The following ARHGAP32 variants were observed in gnomAD, a reference collection of about 807,000 sequenced individuals.
ARHGAP32 encodes the protein Rho GTPase activating protein 32.
ARHGAP32 carries 51 observed loss-of-function variants against 186.5 expected under a neutral mutation model. The observed-to-expected ratio is 0.27, with a 90% CI of 0.22 to 0.35. The LOEUF (loss-of-function observed/expected upper bound fraction) is 0.35. Among genes scored for constraint, ARHGAP32 ranks in the 10% least tolerant of loss-of-function variants. The pLI, the probability that ARHGAP32 is intolerant of heterozygous loss-of-function variation, is 1.00. For synonymous variants in ARHGAP32, 950 were observed against 964.3 expected (o/e 0.99, Z 0.27); for missense variants, 2,186 against 2,623.5 (o/e 0.83, Z 3.64).
intron 1 of ARHGAP32, among the ~76,000 whole-genome samples, chr11:129,242,053 G>A (rs1945025505): frequency 6.6e-6 from 1 of 152,170 alleles, no homozygotes; most frequent in Non-Finnish European, 1.5e-5. Context: ...AGTCTCATGG[G>A]AGTATTGCTT....
chr11:129,008,265 G>C (rs1937889961), intron 11 of ARHGAP32, among the ~76,000 whole-genome samples: 1 of 151,986 alleles, frequency 6.6e-6, no homozygotes, highest in African/African-American at 2.4e-5. Flanking sequence ...CTCCTCAAGG[G>C]GAAACAATCA....
intron 1 of ARHGAP32, among the ~76,000 whole-genome samples, chr11:129,183,943 T>C (rs1010952015): frequency 2.0e-5 from 3 of 152,026 alleles, no homozygotes; most frequent in Admixed American, 1.3e-4. Flanking sequence ...TTAAGTTAAA[T>C]AGGAAAAAAT....
chr11:128,975,394 A>G (rs1010698027), intron 20 of ARHGAP32, among the ~76,000 whole-genome samples: 3 of 152,150 alleles, frequency 2.0e-5, no homozygotes, highest in African/African-American at 4.8e-5. Flanking sequence ...AATCACTTTG[A>G]GTGGCATTTT....
chr11:129,028,777 G>A (rs1938972628), intron 11 of ARHGAP32, among the ~76,000 whole-genome samples: 1 of 152,172 alleles, frequency 6.6e-6, no homozygotes, highest in Non-Finnish European at 1.5e-5. Flanking sequence ...GTGGGTCAGG[G>A]AAGCTTTCAT....
chr11:129,070,354 T>C (rs1940830430), intron 6 of ARHGAP32, among the ~76,000 whole-genome samples: 1 of 152,090 alleles, frequency 6.6e-6, no homozygotes, highest in Non-Finnish European at 1.5e-5. Flanking sequence ...AACTTTTGCA[T>C]GCTATATTGC....
chr11:129,237,824 C>CATG (rs1944956338), intron 1 of ARHGAP32, among the ~76,000 whole-genome samples: 1 of 152,142 alleles, frequency 6.6e-6, no homozygotes, highest in Admixed American at 6.5e-5. Context: ...ACTCTCCTTA[C>CATG]ACTGAGAAGG....
intron 18 of ARHGAP32, among the ~76,000 whole-genome samples, chr11:128,979,836 A>G (rs1278244950): frequency 6.6e-6 from 1 of 152,220 alleles, no homozygotes; most frequent in Non-Finnish European, 1.5e-5. Flanking sequence ...TTTTACATAC[A>G]TTAGTCTTCC....
At position 129,077,632 on chromosome 11, in the gene ARHGAP32, C is replaced by A. The variant is rs533006242; in HGVS notation, c.532-10764G>T. Among the ~76,000 whole-genome samples the A allele has an allele frequency of 3.3e-5, 5 of 152,196 alleles. No homozygotes were observed. In the South Asian group the frequency reaches 8.3e-4, roughly 25 times the overall value. On this transcript the variant is annotated intron_variant, in intron 6 of 22. Coordinates refer to ENST00000682385, the MANE Select transcript of ARHGAP32 (RefSeq NM_001378024.1). ...GAATCACACCCCATCCCCCACAGCA[C>A]CTGCAGCAACCCTCACCCAAGCTCA...
At chr11:129,057,104 T>C (rs1338706575) in intron 10 of ARHGAP32, among the ~76,000 whole-genome samples, 1 of 152,070 alleles carries the variant, frequency 6.6e-6, no homozygotes, top group Non-Finnish European at 1.5e-5. Context: ...CTGACCGAGG[T>C]GCATGCTGTT....
rs633960 is a variant in ARHGAP32 at position 128,994,435 on chromosome 11, A to T, written c.1195+3884T>A. On this transcript the variant is annotated intron_variant, in intron 12 of 22. Coordinates refer to ENST00000682385, the MANE Select transcript of ARHGAP32 (RefSeq NM_001378024.1). ...CTCCCAAAGTGCTGGGATTACAGGC[A>T]TGAGCCACCCTGCTGGGCCTCTCTT... 1.1e-3 allele frequency among the ~76,000 whole-genome samples: 173 copies of T among 152,116 alleles called. 2 individuals are homozygous for T. Among genetic ancestry groups the T allele is most frequent in the African/African-American group, 3.9e-3 (162 of 41,524 alleles).
chr11:128,969,871 C>T lies in ARHGAP32; in HGVS notation c.5342G>A (p.Gly1781Glu), dbSNP rs1367129187. The part of the protein sequence containing the change: ...RESRARQKVK[G>E]PVMSQYDNMT... The stretch of plus-strand genomic sequence containing the variant: ...GTTATCATATTGGGACATGACAGGC[C>T]CTTTCACCTTCTGCCGAGCACGGCT... The change falls in exon 23 of 23, where the codon GGG becomes GAG. Residue 1781 changes from glycine to glutamate, a missense_variant. This residue lies in a region of ARHGAP32 where 1,502 missense variants were observed against 1,570.0 expected (regional missense o/e 0.96). Transcript: ENST00000682385. This position sits in a 1 kb window ranked among gnomAD's most constrained non-coding sequence, Gnocchi z 4.8. The T allele has an allele frequency of 6.2e-7, 1 of 1,614,176 alleles. No homozygotes were observed. Among genetic ancestry groups the T allele is most frequent in the Admixed American group, 1.7e-5 (1 of 60,028 alleles).
chr11:129,115,477 A>C (rs1942342727), intron 5 of ARHGAP32, among the ~76,000 whole-genome samples: 1 of 152,090 alleles, frequency 6.6e-6, no homozygotes, highest in African/African-American at 2.4e-5. Context: ...GTATCTGATA[A>C]AGTAACCGAT....
chr11:128,985,594 G>C (rs1945840109), intron 15 of ARHGAP32, among the ~76,000 whole-genome samples: 2 of 151,566 alleles, frequency 1.3e-5, no homozygotes, highest in Non-Finnish European at 2.9e-5. Context: ...AATCAAATTA[G>C]GTTTTAAAAT....
At chr11:129,181,660 C>G (rs1270239694) in intron 1 of ARHGAP32, among the ~76,000 whole-genome samples, 1 of 152,126 alleles carries the variant, frequency 6.6e-6, no homozygotes, top group South Asian at 2.1e-4. Flanking sequence ...AACCCTCTAA[C>G]ACCGATGAGG....
chr11:129,263,060 A>T (rs1009660764), intron 1 of ARHGAP32, among the ~76,000 whole-genome samples: 1 of 152,170 alleles, frequency 6.6e-6, no homozygotes, highest in Non-Finnish European at 1.5e-5. Flanking sequence ...AAATGAAATT[A>T]GAGTCTTACC....
In ARHGAP32 at chr11:128,985,852, GTGTGTGTATA is replaced by G. The variant is rs939820412; in HGVS notation, c.1526+141_1526+150del. On this transcript the variant is annotated intron_variant, in intron 15 of 22. Coordinates refer to ENST00000682385, the MANE Select transcript of ARHGAP32 (RefSeq NM_001378024.1). ...TGTGCGTGTGTGTGTGTGTGTGTGT[GTGTGTGTATA>G]TATATATATATATATATATATATGA... is the stretch of plus-strand genomic sequence containing the variant. 6 of 129,838 alleles carry G rather than the reference GTGTGTGTATA, an allele frequency of 4.6e-5. 1 individual carries two copies. Among genetic ancestry groups the G allele is most frequent in the Admixed American group, 9.4e-5 (1 of 10,652 alleles). The allele number at this position is 129,838 out of a possible 1,614,324, so 8.0% of individuals were successfully genotyped here.
At chr11:129,188,341 G>T (rs1450168510) in intron 1 of ARHGAP32, among the ~76,000 whole-genome samples, 1 of 152,156 alleles carries the variant, frequency 6.6e-6, no homozygotes. Flanking sequence ...TTCTGCAGAA[G>T]ATAAAAGAAC....
chr11:129,271,443 G>C (rs1437582860), intron 1 of ARHGAP32, among the ~76,000 whole-genome samples: 1 of 152,040 alleles, frequency 6.6e-6, no homozygotes, highest in Non-Finnish European at 1.5e-5. Context: ...TTACTGAGAT[G>C]GTAAAGACTT....
At chr11:129,198,836 A>G (rs547860671) in intron 1 of ARHGAP32, among the ~76,000 whole-genome samples, 14 of 152,318 alleles carry the variant, frequency 9.2e-5, no homozygotes, top group African/African-American at 3.4e-4. Flanking sequence ...AGTTTGGAGG[A>G]CTCAGAAGAA....
Sources: allele counts gnomAD v4.1 joint callset (sites outside exome capture counted in the v4.1 genomes callset), GRCh38; gene constraint gnomAD v4.1.1; regional missense constraint gnomAD v4.1.1; non-coding constraint Gnocchi (gnomAD v3.1); transcripts MANE v1.5; gene names NCBI Gene and HGNC (gene_info 2026-07-23, HGNC 2026-07-21).